The following PDE10A variants were observed in gnomAD, a reference collection of about 807,000 sequenced individuals.
PDE10A encodes cAMP and cAMP-inhibited cGMP 3',5'-cyclic phosphodiesterase 10A.
In PDE10A, 39 loss-of-function variants were observed where a neutral mutation model predicts 97.7. That is an observed-to-expected ratio of 0.40 (90% CI 0.31 to 0.52). The LOEUF (loss-of-function observed/expected upper bound fraction) is 0.52. Among genes scored for constraint, PDE10A ranks in the 20% least tolerant of loss-of-function variants. The pLI, the probability that PDE10A is intolerant of heterozygous loss-of-function variation, is 0.56. For synonymous variants in PDE10A, 371 were observed against 376.8 expected, an observed-to-expected ratio of 0.98 and a Z score of 0.18; for missense variants, 731 against 1,047.8, an observed-to-expected ratio of 0.70 and a Z score of 4.17.
intron 1 of PDE10A, among the ~76,000 whole-genome samples, chr6:165,724,361 G>A (rs771161708): frequency 2.0e-5 from 3 of 152,066 alleles, no homozygotes; most frequent in Non-Finnish European, 4.4e-5. Context: ...AGATGTGAAC[G>A]CGTGTTGAGA....
intron 1 of PDE10A, among the ~76,000 whole-genome samples, chr6:165,715,741 G>A (rs114971052): frequency 1.5e-3 from 233 of 152,330 alleles, no homozygotes; most frequent in African/African-American, 5.0e-3. Context: ...TGCATAGAAA[G>A]CAAAGGACCC....
chr6:165,334,659 A>G (rs17784909), intron 21 of PDE10A, among the ~76,000 whole-genome samples: 25,427 of 152,160 alleles, frequency 0.17, 2,642 homozygotes, highest in Admixed American at 0.24. Flanking sequence ...TTCCTTCAAG[A>G]ATGATCTGGC....
intron 1 of PDE10A, among the ~76,000 whole-genome samples, chr6:165,832,243 G>T (rs1389577120): frequency 1.3e-5 from 2 of 152,088 alleles, no homozygotes; most frequent in East Asian, 3.8e-4. Context: ...CTTCCTCGGT[G>T]GGAGACAGAA....
intron 1 of PDE10A, among the ~76,000 whole-genome samples, chr6:165,638,644 T>A (rs1296941418): frequency 6.6e-6 from 1 of 152,190 alleles, no homozygotes; most frequent in East Asian, 1.9e-4. Context: ...GGATATACTA[T>A]GAAATCTTAA....
chr6:165,696,047 C>A (rs1432074753), intron 1 of PDE10A, among the ~76,000 whole-genome samples: 1 of 152,058 alleles, frequency 6.6e-6, no homozygotes, highest in Non-Finnish European at 1.5e-5. Flanking sequence ...ACTGGCCACA[C>A]CCAAAGCTAT....
At chr6:165,534,938 G>A (rs1033378958) in intron 2 of PDE10A, among the ~76,000 whole-genome samples, 2 of 151,940 alleles carry the variant, frequency 1.3e-5, no homozygotes, top group Non-Finnish European at 2.9e-5. Flanking sequence ...GGAAGTCCCA[G>A]CCAGAGCAAT....
intron 1 of PDE10A, among the ~76,000 whole-genome samples, chr6:165,625,511 T>TACCTG (rs1788340234): frequency 6.6e-6 from 1 of 152,184 alleles, no homozygotes; most frequent in African/African-American, 2.4e-5. Context: ...AAGTCTAAGA[T>TACCTG]ACCTGACCGA....
At chr6:165,704,007 G>T (rs1474302681) in intron 1 of PDE10A, among the ~76,000 whole-genome samples, 1 of 152,178 alleles carries the variant, frequency 6.6e-6, no homozygotes, top group African/African-American at 2.4e-5. Flanking sequence ...CGTTTTTCAA[G>T]GCTGCCGTAC....
chr6:165,475,709 G>A (rs766571406), intron 3 of PDE10A, among the ~76,000 whole-genome samples: 8 of 152,092 alleles, frequency 5.3e-5, no homozygotes, highest in South Asian at 4.1e-4. Flanking sequence ...AGAAACACAT[G>A]GAATAGAAAT....
chr6:165,461,270 ATTT>A (rs1778311615), intron 3 of PDE10A, among the ~76,000 whole-genome samples: 1 of 152,152 alleles, frequency 6.6e-6, no homozygotes, highest in South Asian at 2.1e-4. Flanking sequence ...TTAGTCATAG[ATTT>A]AAAAGACTGT....
At position 165,740,118 on chromosome 6, in the gene PDE10A, C is replaced by T. The variant is rs182226970; in HGVS notation, c.-614-196550G>A. ...AATTCTACTGTTGGGTATACAAATC[C>T]GAAGGACATAAAATCAGCACCTTGA... is the stretch of plus-strand genomic sequence containing the variant. On this transcript the variant is annotated intron_variant, in intron 1 of 19. Coordinates refer to the PDE10A transcript ENST00000366882. Among the ~76,000 whole-genome samples the T allele has an allele frequency of 1.3e-3, 200 of 152,144 alleles. 1 individual carries two copies. Among genetic ancestry groups the T allele is most frequent in the African/African-American group, 4.6e-3 (190 of 41,504 alleles).
chr6:165,811,249 C>T (rs1445913187), intron 1 of PDE10A, among the ~76,000 whole-genome samples: 1 of 152,054 alleles, frequency 6.6e-6, no homozygotes, highest in Non-Finnish European at 1.5e-5. Flanking sequence ...AAAACAAACA[C>T]ACAAAAAAAG....
chr6:165,692,463 A>G (rs915240049), intron 1 of PDE10A, among the ~76,000 whole-genome samples: 1 of 152,162 alleles, frequency 6.6e-6, no homozygotes, highest in African/African-American at 2.4e-5. Context: ...TTGTTCTGGC[A>G]GCGCTGGGCT....
intron 1 of PDE10A, among the ~76,000 whole-genome samples, chr6:165,588,790 T>G (rs1206383444): frequency 6.6e-6 from 1 of 152,226 alleles, no homozygotes; most frequent in East Asian, 1.9e-4. Flanking sequence ...CTTGAATCTC[T>G]AATCCACCAC....
At chr6:165,840,300 C>G (rs530376500) in intron 1 of PDE10A, among the ~76,000 whole-genome samples, 2 of 152,254 alleles carry the variant, frequency 1.3e-5, no homozygotes, top group African/African-American at 4.8e-5. Flanking sequence ...CAAACTGGAG[C>G]GGGTTTCCTT....
chr6:165,528,822 G>A (rs183616070), intron 2 of PDE10A, among the ~76,000 whole-genome samples: 39 of 152,310 alleles, frequency 2.6e-4, no homozygotes, highest in Non-Finnish European at 4.4e-4. Context: ...GCCTTTTGAA[G>A]TCACAATTAC....
At chr6:165,478,452 T>C (rs77355448) in intron 3 of PDE10A, among the ~76,000 whole-genome samples, 3,460 of 152,248 alleles carry the variant, frequency 0.023, 70 homozygotes, top group Non-Finnish European at 0.034. Context: ...CCCTTTGAAA[T>C]TCAGGCACAG....
chr6:165,800,053 C>T (rs1332457610), intron 1 of PDE10A, among the ~76,000 whole-genome samples: 1 of 152,232 alleles, frequency 6.6e-6, no homozygotes, highest in Non-Finnish European at 1.5e-5. Flanking sequence ...ATTTCAGTCT[C>T]TCCTTGTTTG....
At chr6:165,680,059 C>T (rs1040117683) in intron 1 of PDE10A, among the ~76,000 whole-genome samples, 1 of 151,992 alleles carries the variant, frequency 6.6e-6, no homozygotes, top group East Asian at 1.9e-4. Context: ...CTGTTGGGTA[C>T]TGTGGGGTAC....
Sources: allele counts gnomAD v4.1 joint callset (sites outside exome capture counted in the v4.1 genomes callset), GRCh38; gene constraint gnomAD v4.1.1; transcripts MANE v1.5; gene names NCBI Gene and HGNC (gene_info 2026-07-23, HGNC 2026-07-21).